The following FRMPD4 variants were observed in gnomAD, a reference collection of about 807,000 sequenced individuals.
The protein encoded by FRMPD4 is FERM and PDZ domain containing 4.
A neutral mutation model predicts 94.1 loss-of-function variants in FRMPD4; 22 were observed. The ratio of observed to expected loss-of-function variants is 0.23; its 90% CI spans 0.17 to 0.33. The LOEUF (loss-of-function observed/expected upper bound fraction) is 0.33, where lower values mean the gene tolerates loss of function less well. Among genes scored for constraint, FRMPD4 ranks in the 10% least tolerant of loss-of-function variants. The probability of loss-of-function intolerance (pLI) is 1.00; values close to 1 mark genes in which losing one functional copy is unlikely to be tolerated. For synonymous variants in FRMPD4, 631 were observed against 548.6 expected (o/e 1.15, Z -2.10); for missense variants, 1,111 against 1,339.9 (o/e 0.83, Z 2.67).
At chrX:12,453,580 C>T (rs1297809641) in intron 1 of FRMPD4, among the ~76,000 whole-genome samples, 3 of 111,088 alleles carry the variant, frequency 2.7e-5, no homozygotes, top group East Asian at 2.8e-4. Flanking sequence ...GTATCAGTTC[C>T]GAGTTATTTT....
chrX:12,680,016 T>C (rs2059951314), intron 5 of FRMPD4, among the ~76,000 whole-genome samples: 1 of 112,039 alleles, frequency 8.9e-6, no homozygotes, highest in African/African-American at 3.2e-5. Context: ...GTTCACTCAA[T>C]ACCTGCTATA....
At chrX:11,868,645 C>T (rs928569205) in intron 2 of FRMPD4, among the ~76,000 whole-genome samples, 12 of 111,883 alleles carry the variant, frequency 1.1e-4, no homozygotes, top group Non-Finnish European at 1.9e-4. Context: ...GTAGCAGAAT[C>T]CCCTATCATG....
At chrX:11,838,914 T>C (rs1321154915) in intron 1 of FRMPD4, among the ~76,000 whole-genome samples, 1 of 111,851 alleles carries the variant, frequency 8.9e-6, no homozygotes, top group Non-Finnish European at 1.9e-5. Flanking sequence ...TTTAATTTTT[T>C]ACTATTATAA....
intron 2 of FRMPD4, among the ~76,000 whole-genome samples, chrX:12,579,458 T>C (rs776052996): frequency 3.1e-4 from 35 of 111,864 alleles, no homozygotes; most frequent in African/African-American, 1.1e-3. Context: ...TTTGAGTCAT[T>C]TCAGCTTCCG....
chrX:11,867,511 G>T (rs752574047), intron 2 of FRMPD4, among the ~76,000 whole-genome samples: 1 of 112,227 alleles, frequency 8.9e-6, no homozygotes, highest in East Asian at 2.8e-4. Flanking sequence ...GAAATTTCCA[G>T]TACCATACCT....
chrX:12,107,440 A>C (rs773290694), intron 3 of FRMPD4, among the ~76,000 whole-genome samples: 6 of 112,119 alleles, frequency 5.4e-5, no homozygotes, highest in Admixed American at 2.8e-4. Context: ...GAAACCACAA[A>C]GATGGGGAAA....
Position 12,720,733 on chromosome X carries a change from AG to A in FRMPD4, c.4170del (p.Ser1391AlafsTer11). On this transcript the variant is annotated frameshift_variant, in exon 17 of 17. Transcript: ENST00000675598. LOFTEE classifies it high-confidence loss of function. The stretch of plus-strand genomic sequence containing the variant: ...TGAGCTGGCGGCCACCGGATCTGAG[AG>A]GGGGGAGCCTCAGGACACCTCCCAG... ...AVSWRPPDLR[G>X]GSLRTPPSQK... is the part of the protein sequence containing the mutation. The A allele has an allele frequency of 2.8e-6, 3 of 1,068,733 alleles. No homozygotes were observed. The highest frequency in any genetic ancestry group is 1.9e-5 in the African/African-American group (1 of 53,095). 88.1% of individuals were successfully genotyped at this position (1,068,733 alleles called of 1,213,427 possible).
At chrX:12,022,445 A>T (rs2054636812) in intron 3 of FRMPD4, among the ~76,000 whole-genome samples, 1 of 112,090 alleles carries the variant, frequency 8.9e-6, no homozygotes, top group South Asian at 3.7e-4. Flanking sequence ...GGACATGAAG[A>T]TTAAATACTT....
chrX:12,660,734 A>G (rs2059705227), intron 4 of FRMPD4, among the ~76,000 whole-genome samples: 1 of 112,501 alleles, frequency 8.9e-6, no homozygotes, highest in Non-Finnish European at 1.9e-5. Flanking sequence ...ATAATTGGTT[A>G]TCTCTCATGG....
chrX:12,334,771 T>C (rs758754530), intron 1 of FRMPD4, among the ~76,000 whole-genome samples: 3 of 111,492 alleles, frequency 2.7e-5, no homozygotes, highest in Non-Finnish European at 1.9e-5. Context: ...GGATGAGACA[T>C]AGGACCTGCC....
At chrX:12,231,050 A>AAATAT (rs1569199811) in intron 1 of FRMPD4, among the ~76,000 whole-genome samples, 31 of 30,550 alleles carry the variant, frequency 1.0e-3, no homozygotes, top group African/African-American at 3.0e-3. Flanking sequence ...ATATATATAA[A>AAATAT]ATATATATAT....
At chrX:12,128,374 C>CT (rs74822735) in intron 3 of FRMPD4, among the ~76,000 whole-genome samples, 19,027 of 111,931 alleles carry the variant, frequency 0.17, 2,060 homozygotes, top group East Asian at 0.6. Context: ...TGAGCTATAC[C>CT]TTGACCCCTT....
chrX:12,120,282 G>A (rs2055443408), intron 3 of FRMPD4, among the ~76,000 whole-genome samples: 1 of 112,174 alleles, frequency 8.9e-6, no homozygotes, highest in Admixed American at 9.4e-5. Context: ...AGTAGTGTGT[G>A]GTATGAATCA....
At chrX:11,882,051 AC>A (rs2053816792) in intron 3 of FRMPD4, among the ~76,000 whole-genome samples, 1 of 111,553 alleles carries the variant, frequency 9.0e-6, no homozygotes, top group African/African-American at 3.3e-5. Flanking sequence ...AGTCTTGTCT[AC>A]CCTCAACCAT....
At chrX:12,162,966 G>A (rs1191574924) in intron 1 of FRMPD4, among the ~76,000 whole-genome samples, 1 of 111,583 alleles carries the variant, frequency 9.0e-6, no homozygotes, top group Non-Finnish European at 1.9e-5. Context: ...CAGATTGACT[G>A]TATTAAATAA....
At chrX:12,703,062 C>T (rs1218992437) in intron 10 of FRMPD4, among the ~76,000 whole-genome samples, 1 of 112,742 alleles carries the variant, frequency 8.9e-6, no homozygotes, top group Non-Finnish European at 1.9e-5. Context: ...TGTGTACCCA[C>T]ATTTTACCAG....
intron 3 of FRMPD4, among the ~76,000 whole-genome samples, chrX:11,932,735 C>A (rs1349816567): frequency 9.1e-6 from 1 of 110,041 alleles, no homozygotes; most frequent in Non-Finnish European, 1.9e-5. Flanking sequence ...TTCCTGGGTG[C>A]CTTTACTTGT....
intron 3 of FRMPD4, among the ~76,000 whole-genome samples, chrX:11,985,605 G>A (rs1198289021): frequency 8.9e-6 from 1 of 112,387 alleles, no homozygotes; most frequent in Non-Finnish European, 1.9e-5. Context: ...TGGTCCCTGA[G>A]TATAGGCTTA....
intron 1 of FRMPD4, among the ~76,000 whole-genome samples, chrX:12,332,707 G>C (rs1317088264): frequency 3.6e-5 from 4 of 111,236 alleles, no homozygotes; most frequent in Non-Finnish European, 7.6e-5. Context: ...AACCTGAAAG[G>C]AGTTTTTTCT....
Sources: gnomAD v4.1 joint callset for allele counts (sites outside exome capture counted in the v4.1 genomes callset) on GRCh38, gnomAD v4.1.1 for gene constraint, MANE v1.5 for transcripts, NCBI Gene and HGNC (gene_info 2026-07-23, HGNC 2026-07-21) for gene names.